The following RINT1 variants were observed in gnomAD, a reference collection of about 807,000 sequenced individuals.
The protein encoded by RINT1 is RAD50-interacting protein 1.
A neutral mutation model predicts 97.7 loss-of-function variants in RINT1; 75 were observed. That is an observed-to-expected ratio of 0.77 (90% CI 0.64 to 0.93). RINT1 has a LOEUF of 0.93. RINT1 is among the 40% of genes least tolerant of loss of function. RINT1 has a pLI of 0.00. For synonymous variants in RINT1, 303 were observed against 326.3 expected, an observed-to-expected ratio of 0.93 and a Z score of 0.77; for missense variants, 892 against 925.2, an observed-to-expected ratio of 0.96 and a Z score of 0.47.
chr7:105,553,390 T>G (rs117887993), intron 10 of RINT1, among the ~76,000 whole-genome samples: 20,208 of 151,462 alleles, frequency 0.13, 1,727 homozygotes, highest in South Asian at 0.24. Context: ...CATGCCTGGT[T>G]AATTTTTTTT....
rs1439678217 is a variant in RINT1, at chr7:105,550,378, G to A, written c.1225G>A (p.Glu409Lys). The change falls in exon 9 of 15, where the codon GAA becomes AAA. Residue 409 changes from glutamate to lysine, a missense_variant. Transcript: ENST00000257700. ...TTTGGTGGATGAAGTACTCTTGTTTGAAAGGGAGCTACACAGTGTTCATGG... is the reference window on the plus strand; with the variant it reads ...TTTGGTGGATGAAGTACTCTTGTTTAAAAGGGAGCTACACAGTGTTCATGG... Reference protein sequence around the residue: ...CHLVDEVLLFERELHSVHGYP... With the variant: ...CHLVDEVLLFKRELHSVHGYP... 1 of 1,614,120 alleles carries A rather than the reference G, an allele frequency of 6.2e-7. No homozygotes were observed. The highest frequency in any genetic ancestry group is 8.5e-7 in the Non-Finnish European group (1 of 1,180,004).
At chr7:105,539,115 A>G (rs1790358062) in intron 3 of RINT1, among the ~76,000 whole-genome samples, 1 of 152,198 alleles carries the variant, frequency 6.6e-6, no homozygotes, top group African/African-American at 2.4e-5. Flanking sequence ...TAATGACCAC[A>G]GAAACTTTTA....
intron 10 of RINT1, among the ~76,000 whole-genome samples, chr7:105,552,521 G>A (rs1016951645): frequency 6.6e-5 from 10 of 152,112 alleles, no homozygotes; most frequent in African/African-American, 2.4e-4. Context: ...CCCCTTGTGG[G>A]CCTGCTTGTT....
intron 2 of RINT1, among the ~76,000 whole-genome samples, chr7:105,535,241 T>G (rs1004018248): frequency 1.3e-5 from 2 of 150,946 alleles, no homozygotes; most frequent in African/African-American, 4.9e-5. Flanking sequence ...TTTTTTTTTT[T>G]TTTTTTGAGG....
chr7:105,533,438 A>G (rs905612611), intron 2 of RINT1, among the ~76,000 whole-genome samples: 20 of 152,224 alleles, frequency 1.3e-4, no homozygotes, highest in African/African-American at 4.8e-4. Flanking sequence ...GACTTTTGCC[A>G]TTTTACTTTG....
chr7:105,533,056 G>A (rs1385360604), intron 2 of RINT1, among the ~76,000 whole-genome samples, 187 bp downstream of exon 2: 3 of 152,174 alleles, frequency 2.0e-5, no homozygotes, highest in African/African-American at 7.2e-5. Flanking sequence ...TAAAATATGG[G>A]ATGCTTTGGA....
chr7:105,562,712 C>T (rs1791491528), intron 11 of RINT1, among the ~76,000 whole-genome samples: 1 of 151,900 alleles, frequency 6.6e-6, no homozygotes, highest in African/African-American at 2.4e-5. Context: ...GTCTGACCAA[C>T]ATGGTGAAAC....
rs1346787773 is a variant in RINT1, at chr7:105,565,592, G to C, written c.2130G>C (p.Arg710=). 1.2e-6 allele frequency: 2 copies of C among 1,613,794 alleles called. No individual in the cohort carries two copies. The highest frequency in any genetic ancestry group is 1.7e-6 in the Non-Finnish European group (2 of 1,179,920). ...GAAQLQFDMT[R]NLFPLFSHYC... ...CCCAGCTGCAGTTTGATATGACTCG[G>C]AATCTTTTCCCTTTGTTTTCTCACT... Residue 710 remains arginine, a synonymous_variant, in exon 14 of 15, where the codon CGG becomes CGC. Transcript: ENST00000257700.
rs1791660722 is a variant in RINT1 at position 105,565,318 on chromosome 7, C to G, written c.1928C>G (p.Ser643Cys). 1 of 1,614,176 alleles carries G rather than the reference C, an allele frequency of 6.2e-7. No individual in the cohort carries two copies. ...LPSQSEQAVMSLSSSACPLLL... is the reference protein window; with the variant it reads ...LPSQSEQAVMCLSSSACPLLL... ...TCTCAGTCAGAGCAGGCAGTGATGTCCCTGTCCAGTTCGGCTTGCCCGTTG... is the reference window on the plus strand; with the variant it reads ...TCTCAGTCAGAGCAGGCAGTGATGTGCCTGTCCAGTTCGGCTTGCCCGTTG... Residue 643 changes from serine (S) to cysteine (C), a missense_variant, in exon 13 of 15, where the codon TCC (serine) becomes TGC (cysteine). By Grantham distance (112) the Ser-to-Cys change is moderately radical. Transcript: ENST00000257700.
At position 105,532,217 on chromosome 7, in the gene RINT1, C is replaced by A. The variant is rs1188717613; in HGVS notation, c.-99C>A. 2 of 1,354,904 alleles carry A rather than the reference C, an allele frequency of 1.5e-6. No homozygotes were observed. Among genetic ancestry groups the A allele is most frequent in the South Asian group, 1.3e-5 (1 of 76,664 alleles). The allele number at this position is 1,354,904 out of a possible 1,614,324, so 83.9% of individuals were successfully genotyped here. Reference sequence around the variant, plus strand: ...GAAGTCGCTGTGGCACTCAGTCCTACGGCCTCCGAGGCTGGGTAGTGAGTG... The same window carrying A: ...GAAGTCGCTGTGGCACTCAGTCCTAAGGCCTCCGAGGCTGGGTAGTGAGTG... On this transcript the variant is annotated 5_prime_UTR_variant, in exon 1 of 15. Coordinates refer to ENST00000257700, the MANE Select transcript of RINT1 (RefSeq NM_021930.6).
At chr7:105,554,464 A>C (rs1183397266) in intron 10 of RINT1, among the ~76,000 whole-genome samples, 2 of 140,688 alleles carry the variant, frequency 1.4e-5, no homozygotes, top group Non-Finnish European at 3.0e-5. Context: ...TGTTAGATGG[A>C]GTCTCACTCT....
In RINT1 at chr7:105,565,574, G is replaced by A. The variant is rs770541803; in HGVS notation, c.2112G>A (p.Leu704=). The change falls in exon 14 of 15, where the codon CTG becomes CTA. Residue 704 remains leucine (L), a synonymous_variant. Transcript: ENST00000257700. ...TCAATGAAGGAGGAGCAGCCCAGCT[G>A]CAGTTTGATATGACTCGGAATCTTT... The part of the protein sequence containing the change: ...NHFNEGGAAQ[L]QFDMTRNLFP... The A allele has an allele frequency of 6.2e-7, 1 of 1,614,006 alleles. No individual in the cohort carries two copies. Among genetic ancestry groups the A allele is most frequent in the East Asian group, 2.2e-5 (1 of 44,876 alleles).
chr7:105,562,674 G>A (rs1027049251), intron 11 of RINT1, among the ~76,000 whole-genome samples: 2 of 152,026 alleles, frequency 1.3e-5, no homozygotes, highest in African/African-American at 2.4e-5. Context: ...TGAGGTGGGC[G>A]GATCATGAGG....
At chr7:105,546,182 A>G (rs1307913561) in intron 4 of RINT1, among the ~76,000 whole-genome samples, 1 of 152,228 alleles carries the variant, frequency 6.6e-6, no homozygotes, top group East Asian at 1.9e-4. Context: ...CAAAGTATGT[A>G]ACAATTGAAG....
At chr7:105,552,025 G>A (rs1032138525) in intron 10 of RINT1, among the ~76,000 whole-genome samples, 2 of 152,118 alleles carry the variant, frequency 1.3e-5, no homozygotes, top group Admixed American at 6.6e-5. Context: ...CCATGATCAC[G>A]CCACTGCAGT....
At chr7:105,565,234 A>G (rs527456391) in intron 12 of RINT1, 43 bp from the exon 13 acceptor site, 74 of 1,545,912 alleles carry the variant, frequency 4.8e-5, no homozygotes, top group Non-Finnish European at 6.1e-5. Context: ...CTTGAAAAAT[A>G]GAAACTGATG....
At chr7:105,545,939 G>A (rs1790649051) in intron 4 of RINT1, among the ~76,000 whole-genome samples, 1 of 139,966 alleles carries the variant, frequency 7.1e-6, no homozygotes, top group South Asian at 2.3e-4. Flanking sequence ...GAGTAGCTGG[G>A]ATTACAGGTG....
At chr7:105,562,312 A>C (rs1283266432) in intron 11 of RINT1, among the ~76,000 whole-genome samples, 3 of 152,168 alleles carry the variant, frequency 2.0e-5, no homozygotes, top group African/African-American at 7.2e-5. Context: ...GTGCAGTGGC[A>C]CAATCTTGGC....
chr7:105,554,355 G>A (rs922605890), intron 10 of RINT1, among the ~76,000 whole-genome samples: 1 of 151,812 alleles, frequency 6.6e-6, no homozygotes. Flanking sequence ...ATTCTTAAAT[G>A]TGTATCTTTT....
Sources: allele counts gnomAD v4.1 joint callset (sites outside exome capture counted in the v4.1 genomes callset), GRCh38; gene constraint gnomAD v4.1.1; transcripts MANE v1.5; gene names NCBI Gene and HGNC (gene_info 2026-07-23, HGNC 2026-07-21).